NR2C2: variants seen among roughly 807,000 people sequenced by gnomAD.
The protein encoded by NR2C2 is nuclear receptor subfamily 2 group C member 2, also known as Nuclear hormone receptor TR4.
Under a neutral mutation model 62.9 loss-of-function variants are expected in NR2C2, and 6 were observed. The observed-to-expected ratio is 0.10, with a 90% confidence interval of 0.05 to 0.19. NR2C2 has a LOEUF of 0.19. Ranked by LOEUF, NR2C2 falls within the 10% of genes least tolerant of loss-of-function variation. The pLI is 1.00. For missense variants in NR2C2, 479 were observed against 762.7 expected (o/e 0.63, Z 4.38); for synonymous variants, 272 against 273.8 (o/e 0.99, Z 0.07).
In NR2C2 at chr3:15,044,906, ATTC is replaced by A. The variant is rs2125112956; in HGVS notation, c.*1901_*1903del. Reference sequence around the variant, plus strand: ...TGGGAACAGTGTTTCCAACTTCTAAATTCTTGTTTGGATTTAATTATATCATTT... The same window carrying A: ...TGGGAACAGTGTTTCCAACTTCTAAATTGTTTGGATTTAATTATATCATTT... On this transcript the variant is annotated 3_prime_UTR_variant, in exon 14 of 14. Transcript: ENST00000425241. The A allele has an allele frequency of 6.6e-6, 1 of 152,328 alleles. No individual in the cohort carries two copies. The highest frequency in any genetic ancestry group is 2.1e-4 in the South Asian group (1 of 4,826). 9.4% of individuals were successfully genotyped at this position (152,328 alleles called of 1,614,324 possible).
chr3:14,973,313 C>T (rs1320893960), intron 1 of NR2C2, among the ~76,000 whole-genome samples: 1 of 152,028 alleles, frequency 6.6e-6, no homozygotes, highest in Non-Finnish European at 1.5e-5. Flanking sequence ...CCAGCATAGA[C>T]TTCCTGGGCT....
At chr3:14,989,714 C>T (rs1192749394) in intron 1 of NR2C2, among the ~76,000 whole-genome samples, 1 of 151,830 alleles carries the variant, frequency 6.6e-6, no homozygotes, top group Admixed American at 6.6e-5. Context: ...AGGCAGATCA[C>T]ATGAGGTCAG....
intron 1 of NR2C2, among the ~76,000 whole-genome samples, chr3:14,998,468 A>G (rs1025548412): frequency 6.6e-6 from 1 of 152,220 alleles, no homozygotes; most frequent in Non-Finnish European, 1.5e-5. Flanking sequence ...CCTAGTGGAT[A>G]TGAAGTGGTA....
chr3:15,043,204 T>C lies in NR2C2; in HGVS notation c.*196T>C, dbSNP rs569534127. On this transcript the variant is annotated 3_prime_UTR_variant, in exon 14 of 14. Coordinates refer to ENST00000425241, the MANE Select transcript of NR2C2 (RefSeq NM_001291694.2). ...ATCCTTTCCTGACATAAGAAATGTT[T>C]TAATGCCTTTTGATGAAGCAGCAGA... 1.7e-4 allele frequency: 71 copies of C among 410,292 alleles called. 5 individuals are homozygous for C. The South Asian group carries it at 2.4e-3, about 14-fold the overall frequency. 25.4% of individuals were successfully genotyped at this position (410,292 alleles called of 1,614,324 possible).
chr3:14,991,295 T>A (rs1431781262), intron 1 of NR2C2, among the ~76,000 whole-genome samples: 1 of 152,232 alleles, frequency 6.6e-6, no homozygotes, highest in African/African-American at 2.4e-5. Flanking sequence ...TCCAGTCCTT[T>A]GAGGACTGGA....
In NR2C2 at chr3:15,038,043, C is replaced by G. The variant is rs762848897; in HGVS notation, c.1416C>G (p.Ile472Met). The change falls in exon 12 of 14, where the codon ATC becomes ATG. Residue 472 changes from isoleucine (I) to methionine (M), a missense_variant. By Grantham distance (10) the Ile-to-Met change is conservative. Transcript: ENST00000425241. ...GDRIKQVMEH[I>M]WKLQEFCNSM... is the part of the protein sequence containing the mutation. ...GGATAAAGCAAGTCATGGAGCACAT[C>G]TGGAAGCTGCAGGAGTTCTGTAACA... 2.5e-6 allele frequency: 4 copies of G among 1,614,152 alleles called. No individual in the cohort carries two copies. The highest frequency in any genetic ancestry group is 8.5e-7 in the Non-Finnish European group (1 of 1,180,008).
intron 1 of NR2C2, among the ~76,000 whole-genome samples, chr3:14,961,900 A>T (rs544590446): frequency 6.6e-6 from 1 of 152,284 alleles, no homozygotes; most frequent in East Asian, 1.9e-4. Flanking sequence ...TTTGTTAGTG[A>T]TAGTATTTGC....
chr3:14,960,261 G>C (rs1189280491), intron 1 of NR2C2, among the ~76,000 whole-genome samples: 2 of 152,216 alleles, frequency 1.3e-5, no homozygotes, highest in Non-Finnish European at 2.9e-5. Flanking sequence ...GAACCACAGA[G>C]TGGGTGAAGA....
At chr3:15,030,652 A>G (rs1352802540) in intron 9 of NR2C2, among the ~76,000 whole-genome samples, 200 bp downstream of exon 9, 2 of 152,132 alleles carry the variant, frequency 1.3e-5, no homozygotes, top group Non-Finnish European at 2.9e-5. Flanking sequence ...ACATGGTGAA[A>G]TCCCATCTCT....
Position 14,965,674 on chromosome 3 carries a change from T to TG in NR2C2, c.-40+17768_-40+17769insG, listed in dbSNP as rs530101396. On this transcript the variant is annotated intron_variant, in intron 1 of 13. Transcript: ENST00000425241. ...GTTTGTTTGTTTTTGTTTTTGTTTT[T>TG]TTTTGAGACAGAGTTTCGCTCTTGT... 4.8e-3 allele frequency among the ~76,000 whole-genome samples: 727 copies of TG among 152,276 alleles called. 2 individuals carry two copies. Among genetic ancestry groups the TG allele is most frequent in the African/African-American group, 0.017 (694 of 41,552 alleles).
intron 1 of NR2C2, among the ~76,000 whole-genome samples, chr3:14,957,962 C>G (rs1051323312): frequency 2.0e-5 from 3 of 152,158 alleles, no homozygotes; most frequent in Non-Finnish European, 4.4e-5. Flanking sequence ...TTCCTCATAC[C>G]TGCCAGTTTT....
intron 1 of NR2C2, among the ~76,000 whole-genome samples, chr3:15,001,360 G>T (rs2040996406): frequency 2.4e-5 from 3 of 123,442 alleles, no homozygotes; most frequent in African/African-American, 3.1e-5. Context: ...TGGAGACAGA[G>T]TTTCACTCAT....
At chr3:14,993,137 CTGA>C (rs2040715944) in intron 1 of NR2C2, among the ~76,000 whole-genome samples, 1 of 152,072 alleles carries the variant, frequency 6.6e-6, no homozygotes, top group Admixed American at 6.6e-5. Context: ...TATTGCTGTG[CTGA>C]TGAGTCTCAA....
intron 2 of NR2C2, among the ~76,000 whole-genome samples, chr3:15,011,915 A>G (rs951309079): frequency 1.3e-5 from 2 of 152,100 alleles, no homozygotes; most frequent in South Asian, 4.2e-4. Context: ...TTCTCTGTTT[A>G]TTCTGCTTTT....
intron 8 of NR2C2, among the ~76,000 whole-genome samples, chr3:15,029,820 GATAGATAGATAGATAGATAGAT>G (rs2041924341): frequency 8.0e-6 from 1 of 125,718 alleles, no homozygotes; most frequent in South Asian, 2.3e-4. Flanking sequence ...TAGATAGATA[GATAGATAGATAGATAGATAGAT>G]ATAGATAGAC....
At chr3:15,015,045 CT>C (rs778133474) in intron 3 of NR2C2, among the ~76,000 whole-genome samples, 14 of 152,286 alleles carry the variant, frequency 9.2e-5, no homozygotes, top group Non-Finnish European at 1.9e-4. Flanking sequence ...TTTTAGACAC[CT>C]TACGCTACAC....
chr3:14,972,322 A>C (rs1279684878), intron 1 of NR2C2, among the ~76,000 whole-genome samples: 1 of 151,646 alleles, frequency 6.6e-6, no homozygotes, highest in East Asian at 1.9e-4. Context: ...TTACAGGCGC[A>C]CACCACCACA....
At chr3:15,028,364 T>C (rs1248080282) in intron 7 of NR2C2, among the ~76,000 whole-genome samples, 1 of 152,232 alleles carries the variant, frequency 6.6e-6, no homozygotes, top group Admixed American at 6.5e-5. Flanking sequence ...GTTTATCTGT[T>C]TTTGTTCTGT....
At chr3:15,022,398 C>CTTTTTTTTTTTTTTTTTTTT (rs71038450) in intron 5 of NR2C2, among the ~76,000 whole-genome samples, 2 of 89,142 alleles carry the variant, frequency 2.2e-5, no homozygotes, top group African/African-American at 4.0e-5. Context: ...CTTTTTCTTT[C>CTTTTTTTTTTTTTTTTTTTT]TTTTTTTTTT....
Sources: allele counts gnomAD v4.1 joint callset (sites outside exome capture counted in the v4.1 genomes callset), GRCh38; gene constraint gnomAD v4.1.1; transcripts MANE v1.5; gene names NCBI Gene and HGNC (gene_info 2026-07-23, HGNC 2026-07-21).